Variants in ARL15 observed in about 807,000 individuals in gnomAD.
ARL15 encodes the protein ARF like GTPase 15.
ARL15 carries 19 observed loss-of-function variants against 25.2 expected under a neutral mutation model. That is an observed-to-expected ratio of 0.75 (90% confidence interval 0.53 to 1.10). The LOEUF is 1.10. ARL15 is among the 50% of genes least tolerant of loss of function. The probability of loss-of-function intolerance (pLI) is 0.00; values close to 1 mark genes in which losing one functional copy is unlikely to be tolerated. For synonymous variants in ARL15, 94 were observed against 86.8 expected (o/e 1.08, Z -0.46); for missense variants, 220 against 246.0 (o/e 0.89, Z 0.71).
chr5:54,136,004 G>A (rs746260330), intron 3 of ARL15, among the ~76,000 whole-genome samples: 10 of 152,162 alleles, frequency 6.6e-5, no homozygotes, highest in Admixed American at 2.0e-4. Context: ...ACACTGCCTT[G>A]TCTCATGTGG....
chr5:54,238,997 A>G (rs1256105986), intron 1 of ARL15, among the ~76,000 whole-genome samples: 3 of 152,022 alleles, frequency 2.0e-5, no homozygotes, highest in African/African-American at 4.8e-5. Context: ...GCCATTAATG[A>G]CTCTTCTAAG....
intron 4 of ARL15, among the ~76,000 whole-genome samples, chr5:53,955,592 T>C (rs1448270318): frequency 6.6e-6 from 1 of 152,304 alleles, no homozygotes; most frequent in East Asian, 1.9e-4. Context: ...GCTTTGAGAA[T>C]TGACATTGTT....
chr5:53,983,116 T>C (rs1748179734), intron 4 of ARL15, among the ~76,000 whole-genome samples: 1 of 152,180 alleles, frequency 6.6e-6, no homozygotes, highest in Non-Finnish European at 1.5e-5. Flanking sequence ...TAGTCTTTTT[T>C]AGTATGGCGT....
chr5:54,223,421 C>T (rs953665973), intron 1 of ARL15, among the ~76,000 whole-genome samples: 1 of 152,090 alleles, frequency 6.6e-6, no homozygotes, highest in Non-Finnish European at 1.5e-5. Context: ...AGTTCGCACA[C>T]AGTAGGCTGT....
intron 2 of ARL15, among the ~76,000 whole-genome samples, chr5:54,165,918 G>C (rs1754551094): frequency 6.6e-6 from 1 of 151,946 alleles, no homozygotes; most frequent in South Asian, 2.1e-4. Context: ...GTTCCAGGGA[G>C]GCAAGTCTTT....
intron 4 of ARL15, among the ~76,000 whole-genome samples, chr5:54,045,222 AAC>A (rs143199475): frequency 4.3e-4 from 65 of 151,094 alleles, no homozygotes; most frequent in Non-Finnish European, 7.7e-4. Flanking sequence ...AATTGGGACA[AAC>A]ACACACACAC....
intron 4 of ARL15, among the ~76,000 whole-genome samples, chr5:54,047,537 C>T (rs1561201706): frequency 6.6e-6 from 1 of 152,192 alleles, no homozygotes; most frequent in Non-Finnish European, 1.5e-5. Context: ...AAGGACTCTG[C>T]TAGGGCATCG....
intron 4 of ARL15, among the ~76,000 whole-genome samples, chr5:54,065,297 T>G (rs1751189322): frequency 1.3e-5 from 2 of 152,304 alleles, no homozygotes; most frequent in South Asian, 4.2e-4. Context: ...ACATATTGCT[T>G]AGAGCTATGC....
chr5:54,287,018 C>A (rs1230443678), intron 1 of ARL15, among the ~76,000 whole-genome samples: 1 of 151,766 alleles, frequency 6.6e-6, no homozygotes, highest in African/African-American at 2.4e-5. Flanking sequence ...GCTAGGACTA[C>A]AGGCGCACGC....
intron 4 of ARL15, among the ~76,000 whole-genome samples, chr5:53,940,771 GTCA>G (rs1746518117): frequency 1.3e-5 from 2 of 152,154 alleles, no homozygotes; most frequent in South Asian, 2.1e-4. Flanking sequence ...TTTCTAATGT[GTCA>G]TCAATTCTTT....
chr5:53,976,897 C>T (rs1489471182), intron 4 of ARL15, among the ~76,000 whole-genome samples: 1 of 152,108 alleles, frequency 6.6e-6, no homozygotes, highest in Non-Finnish European at 1.5e-5. Flanking sequence ...TCTGTTGGAG[C>T]ATTTATACCC....
intron 3 of ARL15, among the ~76,000 whole-genome samples, chr5:54,115,817 T>C (rs1199282368): frequency 6.6e-6 from 1 of 152,106 alleles, no homozygotes; most frequent in Non-Finnish European, 1.5e-5. Context: ...CCAGAGATTA[T>C]TTAATATAGG....
chr5:53,966,255 G>T (rs1004504166), intron 4 of ARL15, among the ~76,000 whole-genome samples: 2 of 152,120 alleles, frequency 1.3e-5, no homozygotes, highest in Non-Finnish European at 2.9e-5. Flanking sequence ...AAGAGAACAG[G>T]GTTCGGAGAG....
intron 1 of ARL15, among the ~76,000 whole-genome samples, chr5:54,184,261 CA>C (rs201681698): frequency 0.15 from 17,537 of 116,820 alleles, 1,663 homozygotes; most frequent in African/African-American, 0.33. Flanking sequence ...AAAAAAAAAT[CA>C]AAAAAAAAAA....
intron 4 of ARL15, among the ~76,000 whole-genome samples, chr5:53,930,227 G>A (rs1009360278): frequency 6.6e-6 from 1 of 152,168 alleles, no homozygotes; most frequent in Non-Finnish European, 1.5e-5. Flanking sequence ...GAGGGGAAGT[G>A]AAGAGACAGA....
intron 3 of ARL15, among the ~76,000 whole-genome samples, chr5:54,118,896 C>T (rs1752989273): frequency 6.6e-6 from 1 of 152,314 alleles, no homozygotes; most frequent in African/African-American, 2.4e-5. Context: ...TTCTACGTAC[C>T]ATACAAACTG....
At chr5:54,116,169 G>A (rs1169477083) in intron 3 of ARL15, among the ~76,000 whole-genome samples, 3 of 152,180 alleles carry the variant, frequency 2.0e-5, no homozygotes, top group African/African-American at 7.2e-5. Flanking sequence ...GCAGGAGGGG[G>A]TTGGGGCATG....
chr5:54,112,313 A>G (rs1232599285), intron 4 of ARL15, among the ~76,000 whole-genome samples: 1 of 152,190 alleles, frequency 6.6e-6, no homozygotes, highest in Non-Finnish European at 1.5e-5. Context: ...GTCACACACT[A>G]AGTGTGAGGG....
At chr5:54,305,695 A>C (rs894796498) in intron 1 of ARL15, among the ~76,000 whole-genome samples, 6 of 152,232 alleles carry the variant, frequency 3.9e-5, no homozygotes, top group Non-Finnish European at 7.3e-5. Context: ...ACTAATAATA[A>C]AAGTGAACAA....
Sources: allele counts gnomAD v4.1 joint callset (sites outside exome capture counted in the v4.1 genomes callset), GRCh38; gene constraint gnomAD v4.1.1; transcripts MANE v1.5; gene names NCBI Gene and HGNC (gene_info 2026-07-23, HGNC 2026-07-21).